SYCP2: variants seen among roughly 807,000 people sequenced by gnomAD.
SYCP2 encodes synaptonemal complex protein 2.
Under a neutral mutation model 211.3 loss-of-function variants are expected in SYCP2, and 55 were observed. The ratio of observed to expected loss-of-function variants is 0.26; its 90% CI spans 0.21 to 0.33. The LOEUF is 0.33. Among genes scored for constraint, SYCP2 ranks in the 10% least tolerant of loss-of-function variants. The pLI is 1.00. For missense variants in SYCP2, 1,731 were observed against 1,752.0 expected (o/e 0.99, Z 0.21); for synonymous variants, 570 against 555.2 (o/e 1.03, Z -0.37).
rs557694198 is a variant in SYCP2 at position 59,920,621 on chromosome 20, T to C, written c.169-134A>G. 2.4e-5 allele frequency: 17 copies of C among 706,620 alleles called. No individual in the cohort carries two copies. The East Asian group carries it at 4.7e-4, about 20-fold the overall frequency. 43.8% of individuals were successfully genotyped at this position (706,620 alleles called of 1,614,324 possible). On this transcript the variant is annotated intron_variant, in intron 4 of 44. Transcript: ENST00000357552. ...ATGGTCATTTTAATCATCTCTATAT[T>C]GCAACAGATGAAAATGTGGTTTAAG...
Position 59,915,151 on chromosome 20 carries a change from A to G in SYCP2, c.634+14T>C. The G allele has an allele frequency of 6.6e-7, 1 of 1,521,734 alleles. No homozygotes were observed. Among genetic ancestry groups the G allele is most frequent in the Non-Finnish European group, 9.1e-7 (1 of 1,100,138 alleles). The allele number at this position is 1,521,734 out of a possible 1,614,324, so 94.3% of individuals were successfully genotyped here. A position where few individuals can be genotyped will look rare whatever the true frequency, so the allele number is the denominator to read the frequency against. On this transcript the variant is annotated intron_variant, in intron 10 of 44. Coordinates refer to ENST00000357552, the MANE Select transcript of SYCP2 (RefSeq NM_014258.4). Reference sequence around the variant, plus strand: ...AATATGGAATAATTTTAGATTTGGAAAAGACATACTTACCTCCAGCATCTA... The same window carrying G: ...AATATGGAATAATTTTAGATTTGGAGAAGACATACTTACCTCCAGCATCTA...
Position 59,880,452 on chromosome 20 carries a change from T to C in SYCP2, c.2792A>G (p.Lys931Arg), listed in dbSNP as rs908716270. 2.5e-6 allele frequency: 4 copies of C among 1,574,556 alleles called. No homozygotes were observed. The African/African-American group carries it at 4.1e-5, about 16-fold the overall frequency. ...TTCAGTATCACTAAACAGATTTTTC[T>C]TTTGATGATTTGTTATAATCTATAA... ...KDKKIITNHQ[K>R]KNLFSDTETE... The change falls in exon 31 of 45, where the codon AAG becomes AGG. Residue 931 changes from lysine to arginine, a missense_variant. This residue lies in a region of SYCP2 where 1,387 missense variants were observed against 1,351.3 expected (regional missense o/e 1.03). Coordinates refer to ENST00000357552, the MANE Select transcript of SYCP2 (RefSeq NM_014258.4).
chr20:59,914,188 T>C lies in SYCP2; in HGVS notation c.698A>G (p.Gln233Arg). 6.2e-7 allele frequency: 1 copy of C among 1,605,968 alleles called. No individual in the cohort carries two copies. The highest frequency in any genetic ancestry group is 8.5e-7 in the Non-Finnish European group (1 of 1,174,284). Residue 233 changes from glutamine (Q) to arginine (R), a missense_variant, in exon 11 of 45, where the codon CAA (glutamine) becomes CGA (arginine). Transcript: ENST00000357552. Reference sequence around the variant, plus strand: ...TGAAAACCACTGATGTGCCAGTTCTTGTCTTTGTTTTTCTGTGGTCATTCT... The same window carrying C: ...TGAAAACCACTGATGTGCCAGTTCTCGTCTTTGTTTTTCTGTGGTCATTCT... ...LCRMTTEKQR[Q>R]ELAHQWFSMD...
chr20:59,885,616 A>G (rs6070997), intron 26 of SYCP2, among the ~76,000 whole-genome samples: 3,016 of 152,214 alleles, frequency 0.02, 41 homozygotes, highest in Middle Eastern at 0.041. Flanking sequence ...TGTTAGGAGA[A>G]ATGGGATTGG....
intron 7 of SYCP2, among the ~76,000 whole-genome samples, chr20:59,918,876 T>C (rs970702865): frequency 2.0e-5 from 3 of 152,138 alleles, no homozygotes; most frequent in Admixed American, 2.0e-4. Context: ...TACAAAAAAT[T>C]GTACAACTAT....
rs769822773 is a variant in SYCP2, at chr20:59,880,373, C to T, written c.2871G>A (p.Pro957=). ...AGTCTATTAGCTGTGGTTTTGATTTCGGTTCTCTTAGCCAGCTAATATCAG... is the reference window on the plus strand; with the variant it reads ...AGTCTATTAGCTGTGGTTTTGATTTTGGTTCTCTTAGCCAGCTAATATCAG... The part of the protein sequence containing the change: ...SKTDISWLRE[P]KSKPQLIDYS... The change falls in exon 31 of 45, where the codon CCG becomes CCA. Residue 957 remains proline, a synonymous_variant. Transcript: ENST00000357552. 162 of 1,601,194 alleles carry T rather than the reference C, an allele frequency of 1.0e-4. No individual in the cohort carries two copies. The highest frequency in any genetic ancestry group is 2.2e-4 in the South Asian group (20 of 89,912).
chr20:59,895,692 C>T, intron 19 of SYCP2, 95 bp from the exon 20 acceptor site: 2 of 1,387,048 alleles, frequency 1.4e-6, no homozygotes, highest in Non-Finnish European at 2.0e-6. Flanking sequence ...AACGAACATT[C>T]TTAGATGGTT....
At chr20:59,929,290 A>T (rs1426340375) in intron 2 of SYCP2, among the ~76,000 whole-genome samples, 2 of 150,314 alleles carry the variant, frequency 1.3e-5, no homozygotes, top group African/African-American at 2.4e-5. Flanking sequence ...ATTGGAAATC[A>T]TGTATGTACT....
At chr20:59,927,961 G>A (rs150515057) in intron 2 of SYCP2, among the ~76,000 whole-genome samples, 2,442 of 152,232 alleles carry the variant, frequency 0.016, 33 homozygotes, top group Non-Finnish European at 0.021. Flanking sequence ...TTCTCTTCCA[G>A]GGTGGAAGGT....
chr20:59,912,521 G>A, intron 12 of SYCP2, 103 bp from the exon 13 acceptor site: 1 of 461,376 alleles, frequency 2.2e-6, no homozygotes, highest in Non-Finnish European at 3.9e-6. Flanking sequence ...ATCAGGCAGT[G>A]GTCATAATAA....
At chr20:59,931,664 A>ACAG (rs941494982) in intron 2 of SYCP2, among the ~76,000 whole-genome samples, 1 of 152,226 alleles carries the variant, frequency 6.6e-6, no homozygotes, top group African/African-American at 2.4e-5. Context: ...GACATTAATT[A>ACAG]CAGCACAGAA....
intron 33 of SYCP2, among the ~76,000 whole-genome samples, chr20:59,876,207 C>T (rs930058491): frequency 4.6e-4 from 70 of 150,942 alleles, no homozygotes; most frequent in African/African-American, 1.6e-3. Flanking sequence ...CCAGTCTCTA[C>T]TAAAAATACA....
Position 59,882,168 on chromosome 20 carries a change from G to A in SYCP2, c.2530-3C>T, listed in dbSNP as rs1190164894. On this transcript the variant is annotated splice_polypyrimidine_tract_variant and splice_region_variant and intron_variant, in intron 26 of 44. Transcript: ENST00000357552. ...TAGCTTTTTTTCTGAACTTTTTCCT[G>A]AAAAGAGGGTTATAAAAAAATCATT... is the stretch of plus-strand genomic sequence containing the variant. 1 of 1,605,670 alleles carries A rather than the reference G, an allele frequency of 6.2e-7. No homozygotes were observed. Among genetic ancestry groups the A allele is most frequent in the East Asian group, 2.2e-5 (1 of 44,622 alleles).
In SYCP2 at chr20:59,881,094, C is replaced by G. The variant is rs972426550; in HGVS notation, c.2715-71G>C. 4.7e-6 allele frequency: 4 copies of G among 844,948 alleles called. No individual in the cohort carries two copies. In the Admixed American group the frequency reaches 1.2e-4, roughly 26 times the overall value. The allele number at this position is 844,948 out of a possible 1,614,324, so 52.3% of individuals were successfully genotyped here. ...TTTTCTTAAGGTAATACACAATGGA[C>G]AATTAGACCTGAGTTTTCAGTCTTA... On this transcript the variant is annotated intron_variant, in intron 29 of 44. Transcript: ENST00000357552.
At chr20:59,915,739 A>C (rs1221553390) in intron 8 of SYCP2, 189 bp from the exon 9 acceptor site, 3 of 403,624 alleles carry the variant, frequency 7.4e-6, no homozygotes, top group Non-Finnish European at 1.3e-5. Context: ...GCTCACTATA[A>C]TACCAGCACT....
chr20:59,881,406 C>G (rs2059677630), intron 29 of SYCP2, 31 bp downstream of exon 29: 1 of 1,189,430 alleles, frequency 8.4e-7, no homozygotes, highest in African/African-American at 1.6e-5. Context: ...AAAAAAAGAT[C>G]AGAATATTTT....
intron 2 of SYCP2, among the ~76,000 whole-genome samples, chr20:59,923,504 A>T (rs1440419403): frequency 2.0e-5 from 3 of 151,452 alleles, no homozygotes; most frequent in Non-Finnish European, 4.4e-5. Context: ...TTTTTTTTTT[A>T]AATATTGTAT....
intron 19 of SYCP2, among the ~76,000 whole-genome samples, 164 bp from the exon 20 acceptor site, chr20:59,895,761 G>C (rs756276771): frequency 6.6e-6 from 1 of 152,062 alleles, no homozygotes; most frequent in African/African-American, 2.4e-5. Context: ...AAGATAATAA[G>C]TGAAGGAAAA....
rs533230746 is a variant in SYCP2, at chr20:59,873,616, AC to A, written c.3555+239del. 1.7e-4 allele frequency among the ~76,000 whole-genome samples: 26 copies of A among 152,194 alleles called. No homozygotes were observed. The East Asian group carries it at 4.4e-3, about 26-fold the overall frequency. On this transcript the variant is annotated intron_variant, in intron 35 of 44. Transcript: ENST00000357552. ...GTGAAACCACAAATAATGAGAAACT[AC>A]TGTACTCTCCTGCTACCACATTCTT... is the stretch of plus-strand genomic sequence containing the variant.
Sources: gnomAD v4.1 joint callset for allele counts (sites outside exome capture counted in the v4.1 genomes callset) on GRCh38, gnomAD v4.1.1 for gene constraint, gnomAD v4.1.1 regional missense constraint, MANE v1.5 for transcripts, NCBI Gene and HGNC (gene_info 2026-07-23, HGNC 2026-07-21) for gene names.